HEXA: variants seen among roughly 807,000 people sequenced by gnomAD.
HEXA encodes the protein hexosaminidase subunit alpha, also known as beta-hexosaminidase subunit alpha.
A neutral mutation model predicts 73.3 loss-of-function variants in HEXA; 54 were observed. The observed-to-expected ratio is 0.74, with a 90% CI of 0.59 to 0.92. HEXA has a LOEUF of 0.92. Ranked by LOEUF, HEXA falls within the 40% of genes least tolerant of loss-of-function variation. The pLI is 0.00. For missense variants in HEXA, 649 were observed against 653.0 expected (o/e 0.99, Z 0.07); for synonymous variants, 230 against 246.9 (o/e 0.93, Z 0.64).
intron 5 of HEXA, among the ~76,000 whole-genome samples, chr15:72,352,809 A>G (rs1023232785): frequency 1.3e-5 from 2 of 152,070 alleles, no homozygotes; most frequent in Admixed American, 1.3e-4. Context: ...GATTACAAGC[A>G]TGCACCACCA....
intron 8 of HEXA, 66 bp downstream of exon 8, chr15:72,349,013 G>T: frequency 7.5e-7 from 1 of 1,342,036 alleles, no homozygotes; most frequent in Non-Finnish European, 1.1e-6. Flanking sequence ...CAGCCCCTCG[G>T]GTGCTAACTT....
intron 13 of HEXA, 40 bp downstream of exon 13, chr15:72,345,406 T>C: frequency 6.2e-7 from 1 of 1,613,458 alleles, no homozygotes; most frequent in Non-Finnish European, 8.5e-7. Context: ...GCCCTGGATC[T>C]GGCCTGCTCC....
chr15:72,350,728 G>T, intron 6 of HEXA, 78 bp from the exon 7 acceptor site: 1 of 1,551,836 alleles, frequency 6.4e-7, no homozygotes, highest in Non-Finnish European at 8.9e-7. Context: ...ATGCCCACAA[G>T]ACTCCCCAGA....
At chr15:72,351,055 C>T in intron 6 of HEXA, 78 bp downstream of exon 6, 1 of 936,376 alleles carries the variant, frequency 1.1e-6, no homozygotes, top group Non-Finnish European at 1.8e-6. Flanking sequence ...GGATGAGAGA[C>T]CCTGTTCTTG....
At chr15:72,366,658 C>A (rs2088920674) in intron 1 of HEXA, among the ~76,000 whole-genome samples, 1 of 151,846 alleles carries the variant, frequency 6.6e-6, no homozygotes, top group Non-Finnish European at 1.5e-5. Flanking sequence ...TCCTCTCCAC[C>A]TCAAGGCTGG....
chr15:72,348,195 G>A, intron 8 of HEXA, 61 bp from the exon 9 acceptor site: 5 of 1,166,406 alleles, frequency 4.3e-6, no homozygotes, highest in Non-Finnish European at 6.4e-6. Flanking sequence ...AATGCCTGGG[G>A]ATTAGTCACC....
At chr15:72,351,279 GT>G (rs2088692244) in intron 5 of HEXA, 45 bp from the exon 6 acceptor site, 1 of 1,320,382 alleles carries the variant, frequency 7.6e-7, no homozygotes, top group African/African-American at 1.4e-5. Context: ...AGTCTCTCCG[GT>G]TTCAGCCTCA....
chr15:72,345,772 CCT>C, intron 12 of HEXA: 1 of 633,378 alleles, frequency 1.6e-6, no homozygotes, highest in Non-Finnish European at 2.8e-6. Context: ...CCACTCTCTT[CCT>C]CTCTCAAAGA....
rs964602082 is a variant in HEXA, at chr15:72,373,727, G to A, written c.253+1993C>T. On this transcript the variant is annotated intron_variant, in intron 1 of 13. Coordinates refer to ENST00000268097, the MANE Select transcript of HEXA (RefSeq NM_000520.6). ...GAAGTATAGGAATTAGGTATGGCGCGGTGGCTCATGCCTGTAATCTCAGCA... is the reference window on the plus strand; with the variant it reads ...GAAGTATAGGAATTAGGTATGGCGCAGTGGCTCATGCCTGTAATCTCAGCA... Among the ~76,000 whole-genome samples, 36 of 152,118 alleles carry A rather than the reference G, an allele frequency of 2.4e-4. 1 individual carries two copies. Among genetic ancestry groups the A allele is most frequent in the South Asian group, 1.2e-3 (6 of 4,828 alleles).
chr15:72,347,414 T>C (rs1409455100), intron 10 of HEXA, among the ~76,000 whole-genome samples: 1 of 151,558 alleles, frequency 6.6e-6, no homozygotes, highest in Non-Finnish European at 1.5e-5. Context: ...GTATTTTTTG[T>C]AGAGATGAGG....
intron 1 of HEXA, among the ~76,000 whole-genome samples, chr15:72,363,524 A>G (rs2088878969): frequency 6.6e-6 from 1 of 152,200 alleles, no homozygotes; most frequent in Non-Finnish European, 1.5e-5. Flanking sequence ...CAAACTTCTT[A>G]TCCCAGTAAA....
chr15:72,345,482 T>C lies in HEXA; in HGVS notation c.1490A>G (p.Tyr497Cys), dbSNP rs147502219. The change falls in exon 13 of 14, where the codon TAT becomes TGT. Residue 497 changes from tyrosine (Y) to cysteine (C), a missense_variant. Transcript: ENST00000268097. ...ACAGCGGAAGTGTGACAAACGTTCA[T>C]AGGCAAATGTCAGGTCAGATGTCAA... Reference protein sequence around the residue: ...NKLTSDLTFAYERLSHFRCEL... With the variant: ...NKLTSDLTFACERLSHFRCEL... 196 of 1,614,128 alleles carry C rather than the reference T, an allele frequency of 1.2e-4. No homozygotes were observed. The highest frequency in any genetic ancestry group is 1.5e-4 in the Non-Finnish European group (180 of 1,180,044).
intron 1 of HEXA, chr15:72,357,368 C>T (rs2088798951): frequency 6.4e-6 from 1 of 155,784 alleles, no homozygotes; most frequent in Non-Finnish European, 1.4e-5. Context: ...AACAGGTTCT[C>T]TATCCAAGGT....
chr15:72,346,888 C>A, intron 10 of HEXA, 178 bp from the exon 11 acceptor site: 1 of 676,584 alleles, frequency 1.5e-6, no homozygotes, highest in Non-Finnish European at 2.7e-6. Flanking sequence ...CCAAGGAATC[C>A]AGGGCCCTAA....
At chr15:72,362,515 T>G (rs1033261131) in intron 1 of HEXA, 5 of 455,454 alleles carry the variant, frequency 1.1e-5, no homozygotes, top group Admixed American at 9.4e-5. Context: ...ATTTTATGAT[T>G]GTGCTATGTG....
At chr15:72,370,389 T>A (rs2088973846) in intron 1 of HEXA, 1 of 374,956 alleles carries the variant, frequency 2.7e-6, no homozygotes, top group Admixed American at 4.6e-5. Context: ...ACAGGGATAC[T>A]AGAAAAGTAT....
intron 1 of HEXA, among the ~76,000 whole-genome samples, chr15:72,363,513 T>C (rs1343650977): frequency 6.6e-6 from 1 of 152,168 alleles, no homozygotes; most frequent in Admixed American, 6.5e-5. Context: ...GCCAACCTTG[T>C]CAAACTTCTT....
chr15:72,366,506 TCAC>T (rs2088917896), intron 1 of HEXA, among the ~76,000 whole-genome samples: 3 of 151,974 alleles, frequency 2.0e-5, no homozygotes, highest in Admixed American at 1.3e-4. Flanking sequence ...AGACGGGGTT[TCAC>T]CACATTAGCC....
rs765612435 is a variant in HEXA, at chr15:72,349,159, G to A, written c.906C>T (p.Ser302=). The A allele has an allele frequency of 6.8e-6, 11 of 1,613,646 alleles. No homozygotes were observed. In the East Asian group the frequency reaches 1.8e-4, roughly 26 times the overall value. The change falls in exon 8 of 14, where the codon AGC becomes AGT. Residue 302 remains serine, a synonymous_variant. Coordinates refer to ENST00000268097, the MANE Select transcript of HEXA (RefSeq NM_000520.6). ...CAGAGCTGACTTCTAAGAAGAATGT[G>A]CTCATGAACTCATAGGTATTATTGA... ...PSLNNTYEFM[S]TFFLEVSSVF...
Sources: allele counts gnomAD v4.1 joint callset (sites outside exome capture counted in the v4.1 genomes callset), GRCh38; gene constraint gnomAD v4.1.1; transcripts MANE v1.5; gene names NCBI Gene and HGNC (gene_info 2026-07-23, HGNC 2026-07-21).